SEL1L: variants seen among roughly 807,000 people sequenced by gnomAD.
SEL1L encodes SEL1L adaptor subunit of SYVN1 ubiquitin ligase, also known as protein sel-1 homolog 1.
Under a neutral mutation model 109.8 loss-of-function variants are expected in SEL1L, and 52 were observed. The ratio of observed to expected loss-of-function variants is 0.47; its 90% CI spans 0.38 to 0.60. SEL1L has a LOEUF of 0.60. SEL1L is among the 20% of genes least tolerant of loss of function. The probability of loss-of-function intolerance (pLI) is 0.00; values close to 1 mark genes in which losing one functional copy is unlikely to be tolerated. For missense variants in SEL1L, 749 were observed against 962.2 expected (o/e 0.78, Z 2.93); for synonymous variants, 373 against 339.6 (o/e 1.10, Z -1.08).
intron 13 of SEL1L, 59 bp downstream of exon 13, chr14:81,490,329 C>A (rs1883490001): frequency 7.8e-7 from 1 of 1,277,060 alleles, no homozygotes; most frequent in Admixed American, 1.8e-5. Flanking sequence ...ATAACAAATT[C>A]ATTTATTAAA....
At chr14:81,516,100 G>C (rs549886796) in intron 3 of SEL1L, among the ~76,000 whole-genome samples, 1 of 152,280 alleles carries the variant, frequency 6.6e-6, no homozygotes, top group Non-Finnish European at 1.5e-5. Context: ...TCACTGGAAG[G>C]TGCACTGCCC....
intron 3 of SEL1L, among the ~76,000 whole-genome samples, chr14:81,525,513 G>A (rs1885078127): frequency 6.7e-6 from 1 of 150,116 alleles, no homozygotes; most frequent in Admixed American, 6.9e-5. Flanking sequence ...ACACTTGGGT[G>A]AGGTACAGGG....
rs531894491 is a variant in SEL1L, at chr14:81,481,818, G to A, written c.2047-2078C>T. ...GAGACCGAGGCAGGTGGCTCATGAG[G>A]TCAGGAGTTCAAGACCAGCCTGGCC... On this transcript the variant is annotated intron_variant, in intron 19 of 20. Transcript: ENST00000336735. Among the ~76,000 whole-genome samples the A allele has an allele frequency of 8.5e-5, 13 of 152,160 alleles. No individual in the cohort carries two copies. In the South Asian group the frequency reaches 2.5e-3, roughly 29 times the overall value.
chr14:81,499,028 T>A, intron 8 of SEL1L: 1 of 740,426 alleles, frequency 1.4e-6, no homozygotes, highest in Non-Finnish European at 1.7e-6. Flanking sequence ...ACTCCATGAA[T>A]TTTAACAATT....
At position 81,487,392 on chromosome 14, in the gene SEL1L, C is replaced by T. The variant is rs752151911; in HGVS notation, c.1630G>A (p.Glu544Lys). The stretch of plus-strand genomic sequence containing the variant: ...CAAGCTGGTAGGAAAGACCTTACCT[C>T]CACTGCAGTGTGACATGATCGCATC... The part of the protein sequence containing the change: ...GVMRSCHTAV[E>K]LFKNVCERGR... The change falls in exon 16 of 21, where the codon GAG becomes AAG. Residue 544 changes from glutamate to lysine, a missense_variant and splice_region_variant. By Grantham distance (56) the Glu-to-Lys change is moderately conservative (BLOSUM62 1). Around this residue, in one of 2 missense-constraint regions of SEL1L, gnomAD observed 383 missense variants for 562.5 expected, o/e 0.68. Transcript: ENST00000336735. 1.9e-6 allele frequency: 3 copies of T among 1,580,588 alleles called. No individual in the cohort carries two copies. Among genetic ancestry groups the T allele is most frequent in the Admixed American group, 4.2e-5 (2 of 48,048 alleles).
chr14:81,493,239 G>C lies in SEL1L; in HGVS notation c.1186-691C>G, dbSNP rs1459485509. Among the ~76,000 whole-genome samples the C allele has an allele frequency of 2.6e-5, 4 of 152,274 alleles. No homozygotes were observed. The East Asian group carries it at 7.7e-4, about 29-fold the overall frequency. On this transcript the variant is annotated intron_variant, in intron 11 of 20. Transcript: ENST00000336735. The stretch of plus-strand genomic sequence containing the variant: ...AAAAAATAAAACTCAGCAGGGCACG[G>C]TGGCTCTCACCTGTAATCCCTGCAC...
chr14:81,506,531 A>G (rs1884245742), intron 3 of SEL1L, among the ~76,000 whole-genome samples: 1 of 152,178 alleles, frequency 6.6e-6, no homozygotes, highest in South Asian at 2.1e-4. Flanking sequence ...CTCCTGCCCA[A>G]AAAGTAAGCA....
chr14:81,506,262 A>T (rs748126856), intron 3 of SEL1L, 21 bp from the exon 4 acceptor site: 3 of 1,552,898 alleles, frequency 1.9e-6, no homozygotes, highest in Non-Finnish European at 2.6e-6. Flanking sequence ...AAGAAATAAA[A>T]ATCTAAACAT....
At chr14:81,498,308 A>C in intron 9 of SEL1L, 105 bp downstream of exon 9, 1 of 968,868 alleles carries the variant, frequency 1.0e-6, no homozygotes, top group Non-Finnish European at 1.5e-6. Context: ...GTCCACATAA[A>C]AGAGCCATTT....
At chr14:81,498,173 G>T in intron 9 of SEL1L, 127 bp from the exon 10 acceptor site, 2 of 987,012 alleles carry the variant, frequency 2.0e-6, no homozygotes, top group Non-Finnish European at 2.9e-6. Context: ...TTTTACAGTA[G>T]TCTATATAGA....
intron 19 of SEL1L, 69 bp from the exon 20 acceptor site, chr14:81,479,809 T>C (rs1218181109): frequency 7.5e-7 from 1 of 1,338,160 alleles, no homozygotes; most frequent in Non-Finnish European, 1.0e-6. Flanking sequence ...GTGAACATAT[T>C]AGACGAATTT....
intron 15 of SEL1L, 121 bp from the exon 16 acceptor site, chr14:81,487,659 A>C: frequency 6.6e-7 from 1 of 1,516,198 alleles, no homozygotes; most frequent in Non-Finnish European, 8.8e-7. Context: ...AAATATGTGA[A>C]TCTAATACAA....
At chr14:81,477,886 C>T (rs1238031665) in intron 20 of SEL1L, among the ~76,000 whole-genome samples, 1 of 152,144 alleles carries the variant, frequency 6.6e-6, no homozygotes, top group Non-Finnish European at 1.5e-5. Flanking sequence ...AACCTACTGG[C>T]AGTGACAGCA....
chr14:81,510,416 TTGAACA>T (rs375118231), intron 3 of SEL1L, among the ~76,000 whole-genome samples: 121 of 150,768 alleles, frequency 8.0e-4, no homozygotes, highest in African/African-American at 2.9e-3. Context: ...TACAGTATGC[TTGAACA>T]TTGAAGGAAA....
intron 3 of SEL1L, among the ~76,000 whole-genome samples, chr14:81,519,870 T>A (rs967455902): frequency 2.2e-4 from 33 of 152,182 alleles, no homozygotes; most frequent in Admixed American, 6.5e-5. Context: ...TAAACTGTTA[T>A]GTTGTGTTTG....
chr14:81,496,642 A>G (rs1883762755), intron 10 of SEL1L, among the ~76,000 whole-genome samples: 1 of 152,220 alleles, frequency 6.6e-6, no homozygotes. Flanking sequence ...GGGGAGGTTA[A>G]GGCACAAGAA....
intron 3 of SEL1L, among the ~76,000 whole-genome samples, chr14:81,510,249 C>CTG (rs2140031982): frequency 1.3e-5 from 2 of 152,218 alleles, no homozygotes; most frequent in Non-Finnish European, 2.9e-5. Flanking sequence ...TCAAGCCTTG[C>CTG]TGGAGCTGGA....
At chr14:81,487,963 T>C (rs1409454755) in intron 14 of SEL1L, 21 bp from the exon 15 acceptor site, 7 of 1,585,946 alleles carry the variant, frequency 4.4e-6, no homozygotes, top group Non-Finnish European at 6.1e-6. Flanking sequence ...AGATGTCATA[T>C]GATGAGAAAG....
At position 81,519,170 on chromosome 14, in the gene SEL1L, G is replaced by A. The variant is rs139073695; in HGVS notation, c.340+7563C>T. On this transcript the variant is annotated intron_variant, in intron 3 of 20. Coordinates refer to ENST00000336735, the MANE Select transcript of SEL1L (RefSeq NM_005065.6). ...TACCTGGGTGGAAAACATTTCACAT[G>A]TGTTATCTTAACTTGTTGCTGCTGG... 2.6e-5 allele frequency among the ~76,000 whole-genome samples: 4 copies of A among 152,334 alleles called. No homozygotes were observed. In the East Asian group the frequency reaches 5.8e-4, roughly 22 times the overall value.
Sources: allele counts gnomAD v4.1 joint callset (sites outside exome capture counted in the v4.1 genomes callset), GRCh38; gene constraint gnomAD v4.1.1; regional missense constraint gnomAD v4.1.1; transcripts MANE v1.5; gene names NCBI Gene and HGNC (gene_info 2026-07-23, HGNC 2026-07-21).